DMD: variants seen among roughly 807,000 people sequenced by gnomAD.
DMD encodes mutant dystrophin.
Under a neutral mutation model 330.1 loss-of-function variants are expected in DMD, and 63 were observed. The ratio of observed to expected loss-of-function variants is 0.19; its 90% confidence interval spans 0.16 to 0.24. The LOEUF (loss-of-function observed/expected upper bound fraction) is 0.24. Among genes scored for constraint, DMD ranks in the 10% least tolerant of loss-of-function variants. DMD has a pLI of 1.00. For synonymous variants in DMD, 1,223 were observed against 959.8 expected, an observed-to-expected ratio of 1.27 and a Z score of -5.07; for missense variants, 3,344 against 2,684.1, an observed-to-expected ratio of 1.25 and a Z score of -5.43.
intron 55 of DMD, among the ~76,000 whole-genome samples, chrX:31,555,747 C>T (rs181342638): frequency 8.9e-6 from 1 of 112,101 alleles, no homozygotes; most frequent in Admixed American, 9.4e-5. Flanking sequence ...ATTGGGAAGG[C>T]TGATGCAATA....
At chrX:32,418,133 C>T (rs2098173381) in intron 29 of DMD, among the ~76,000 whole-genome samples, 1 of 110,955 alleles carries the variant, frequency 9.0e-6, no homozygotes, top group Non-Finnish European at 1.9e-5. Flanking sequence ...GTCTTTATTA[C>T]CTCAGAGGCC....
chrX:32,804,193 C>G (rs754510526), intron 7 of DMD, among the ~76,000 whole-genome samples: 1 of 111,618 alleles, frequency 9.0e-6, no homozygotes, highest in African/African-American at 3.3e-5. Flanking sequence ...GCAGATCCAA[C>G]GCCCACGGAG....
chrX:32,774,160 C>T (rs748930779), intron 7 of DMD, among the ~76,000 whole-genome samples: 24 of 111,614 alleles, frequency 2.2e-4, no homozygotes, highest in East Asian at 2.8e-4. Flanking sequence ...AAGGGTTCCA[C>T]GATTGTAATA....
intron 47 of DMD, among the ~76,000 whole-genome samples, chrX:31,910,101 CA>C (rs1212922760): frequency 9.0e-6 from 1 of 111,039 alleles, no homozygotes; most frequent in African/African-American, 3.3e-5. Context: ...AGTTGGGTGC[CA>C]GGGGTGTCCT....
intron 1 of DMD, among the ~76,000 whole-genome samples, chrX:33,320,918 TCATC>T (rs1259039347): frequency 2.7e-5 from 3 of 112,122 alleles, no homozygotes; most frequent in African/African-American, 9.7e-5. Flanking sequence ...CTTTCTTTGC[TCATC>T]CATCAGATGC....
intron 1 of DMD, among the ~76,000 whole-genome samples, chrX:33,158,759 C>A (rs775742127): frequency 9.0e-6 from 1 of 111,412 alleles, no homozygotes; most frequent in Non-Finnish European, 1.9e-5. Flanking sequence ...ATTGCCCTAG[C>A]CCTAGTCTAG....
Position 32,310,075 on chromosome X carries a change from G to T in DMD, c.6117+7C>A. The stretch of plus-strand genomic sequence containing the variant: ...GTAAAATACGAATGAAAGTGCTTTG[G>T]TTTTACCTTCAGAGACTCCTCTTGC... On this transcript the variant is annotated splice_region_variant and intron_variant, in intron 42 of 78. Transcript: ENST00000357033. The T allele has an allele frequency of 1.7e-6, 2 of 1,203,675 alleles. No individual in the cohort carries two copies. Among genetic ancestry groups the T allele is most frequent in the African/African-American group, 3.5e-5 (2 of 57,494 alleles).
intron 1 of DMD, among the ~76,000 whole-genome samples, chrX:33,156,568 T>C (rs191163626): frequency 1.2e-4 from 13 of 111,645 alleles, no homozygotes; most frequent in African/African-American, 4.2e-4. Flanking sequence ...GATAAAACTT[T>C]GAAGATAAGC....
intron 44 of DMD, among the ~76,000 whole-genome samples, chrX:32,110,493 G>T (rs1006158392): frequency 8.9e-6 from 1 of 111,814 alleles, no homozygotes; most frequent in African/African-American, 3.2e-5. Flanking sequence ...AAGTTATTTG[G>T]TTTTAGCATT....
intron 44 of DMD, among the ~76,000 whole-genome samples, chrX:32,033,673 G>A (rs192679471): frequency 0.41 from 32,794 of 80,468 alleles, 5,201 homozygotes; most frequent in African/African-American, 0.59. Context: ...AGAAAGAAAG[G>A]AAGGAAAGAA....
intron 7 of DMD, among the ~76,000 whole-genome samples, chrX:32,709,922 T>C (rs941440821): frequency 9.0e-6 from 1 of 111,490 alleles, no homozygotes; most frequent in Non-Finnish European, 1.9e-5. Flanking sequence ...ATTTGTTAAA[T>C]CAGTAAATGA....
At chrX:32,215,611 AATT>A (rs1445668899) in intron 44 of DMD, among the ~76,000 whole-genome samples, 2 of 111,652 alleles carry the variant, frequency 1.8e-5, no homozygotes, top group African/African-American at 6.5e-5. Context: ...ATAAAATATA[AATT>A]GAAATATATA....
intron 1 of DMD, among the ~76,000 whole-genome samples, chrX:33,323,944 C>A (rs1046915885): frequency 9.0e-6 from 1 of 111,247 alleles, no homozygotes; most frequent in Non-Finnish European, 1.9e-5. Context: ...ATGACTGTTA[C>A]CAAGTCACGA....
chrX:32,629,207 C>A (rs1389376425), intron 11 of DMD, among the ~76,000 whole-genome samples: 1 of 111,555 alleles, frequency 9.0e-6, no homozygotes, highest in Non-Finnish European at 1.9e-5. Context: ...ATGTTGGGTA[C>A]ATATTTATTT....
At chrX:32,242,607 T>C (rs2097213095) in intron 43 of DMD, among the ~76,000 whole-genome samples, 1 of 111,597 alleles carries the variant, frequency 9.0e-6, no homozygotes, top group Non-Finnish European at 1.9e-5. Flanking sequence ...CTTATTTTAT[T>C]TGTTAATACT....
intron 17 of DMD, among the ~76,000 whole-genome samples, chrX:32,543,527 A>G (rs762279224): frequency 8.9e-6 from 1 of 112,149 alleles, no homozygotes; most frequent in East Asian, 2.8e-4. Flanking sequence ...GGAATGTTGC[A>G]AAGTATCCAT....
chrX:31,178,825 G>A lies in DMD; in HGVS notation c.10087-20C>T, dbSNP rs41303187. On this transcript the variant is annotated intron_variant, in intron 69 of 78. Coordinates refer to ENST00000357033, the MANE Select transcript of DMD (RefSeq NM_004006.3). ...TGTAGTCTAAAAGGGAGATCATGGT[G>A]AGATCAGATTTAGGACAGGATGATT... is the stretch of plus-strand genomic sequence containing the variant. 3,175 of 1,206,506 alleles carry A rather than the reference G, an allele frequency of 2.6e-3. 2 individuals carry two copies. Among genetic ancestry groups the A allele is most frequent in the Non-Finnish European group, 3.2e-3 (2,877 of 892,447 alleles).
intron 52 of DMD, among the ~76,000 whole-genome samples, chrX:31,688,488 A>C (rs1267104984): frequency 8.9e-6 from 1 of 111,869 alleles, no homozygotes; most frequent in Non-Finnish European, 1.9e-5. Flanking sequence ...TAGCCTACAA[A>C]CCAAAAAAAG....
chrX:32,594,876 T>A lies in DMD; in HGVS notation c.1602+881A>T, dbSNP rs1018512908. Among the ~76,000 whole-genome samples, 7 of 111,820 alleles carry A rather than the reference T, an allele frequency of 6.3e-5. No individual in the cohort carries two copies. The East Asian group carries it at 2.0e-3, about 31-fold the overall frequency. On this transcript the variant is annotated intron_variant, in intron 13 of 78. Coordinates refer to ENST00000357033, the MANE Select transcript of DMD (RefSeq NM_004006.3). ...TTCCAGCCAATAGTTAAATAAAGTATAGAACTCAAGCATGGATTCTTTTGG... is the reference window on the plus strand; with the variant it reads ...TTCCAGCCAATAGTTAAATAAAGTAAAGAACTCAAGCATGGATTCTTTTGG...
Sources: gnomAD v4.1 joint callset for allele counts (sites outside exome capture counted in the v4.1 genomes callset) on GRCh38, gnomAD v4.1.1 for gene constraint, MANE v1.5 for transcripts, NCBI Gene and HGNC (gene_info 2026-07-23, HGNC 2026-07-21) for gene names.